The following CNTN5 variants were observed in gnomAD, a reference collection of about 807,000 sequenced individuals.
CNTN5 encodes the protein contactin 5, also known as contactin-5.
CNTN5 carries 77 observed loss-of-function variants against 129.1 expected under a neutral mutation model. That is an observed-to-expected ratio of 0.60 (90% CI 0.50 to 0.72). The LOEUF (loss-of-function observed/expected upper bound fraction) is 0.72, where lower values mean the gene tolerates loss of function less well. Ranked by LOEUF, CNTN5 falls within the 30% of genes least tolerant of loss-of-function variation. CNTN5 has a pLI of 0.00. For missense variants in CNTN5, 1,478 were observed against 1,328.8 expected (o/e 1.11, Z -1.75); for synonymous variants, 509 against 465.6 (o/e 1.09, Z -1.20).
intron 13 of CNTN5, among the ~76,000 whole-genome samples, chr11:100,189,262 G>C (rs1258612863): frequency 8.0e-6 from 1 of 125,758 alleles, no homozygotes; most frequent in South Asian, 2.5e-4. Flanking sequence ...TAAATAAGTT[G>C]AATTAAAAAA....
intron 3 of CNTN5, among the ~76,000 whole-genome samples, chr11:99,812,822 A>G (rs1446009240): frequency 1.3e-5 from 2 of 152,072 alleles, no homozygotes; most frequent in Non-Finnish European, 2.9e-5. Flanking sequence ...ATTCCCAGGA[A>G]CTGAGCGATG....
chr11:100,220,962 C>A (rs1179645882), intron 15 of CNTN5, among the ~76,000 whole-genome samples: 1 of 152,192 alleles, frequency 6.6e-6, no homozygotes, highest in Non-Finnish European at 1.5e-5. Context: ...CATTCATCAT[C>A]TCGCTTAATG....
At chr11:99,514,140 G>T (rs183994596) in intron 2 of CNTN5, among the ~76,000 whole-genome samples, 1 of 152,224 alleles carries the variant, frequency 6.6e-6, no homozygotes, top group Admixed American at 6.6e-5. Context: ...GGAAGTAACT[G>T]CAGATGTGAT....
intron 9 of CNTN5, among the ~76,000 whole-genome samples, chr11:100,052,155 G>A (rs1026159246): frequency 6.6e-6 from 1 of 151,782 alleles, no homozygotes; most frequent in Admixed American, 6.6e-5. Context: ...AGTAAATACA[G>A]AAAATGCATA....
chr11:99,679,390 A>G (rs1160475184), intron 3 of CNTN5, among the ~76,000 whole-genome samples: 2 of 152,000 alleles, frequency 1.3e-5, no homozygotes, highest in East Asian at 1.9e-4. Context: ...CCATTTTCAA[A>G]CAGCATGTGT....
intron 9 of CNTN5, among the ~76,000 whole-genome samples, chr11:100,054,535 C>G (rs1301357252): frequency 6.6e-6 from 1 of 151,744 alleles, no homozygotes; most frequent in Non-Finnish European, 1.5e-5. Context: ...TTTCAGATTA[C>G]CTTTCTAAGC....
chr11:99,468,852 A>T (rs1314960533), intron 2 of CNTN5, among the ~76,000 whole-genome samples: 1 of 151,796 alleles, frequency 6.6e-6, no homozygotes, highest in African/African-American at 2.4e-5. Context: ...CTCCTGTCTC[A>T]GGAAACTTTT....
chr11:99,782,444 C>A (rs1225275617), intron 3 of CNTN5, among the ~76,000 whole-genome samples: 1 of 150,486 alleles, frequency 6.6e-6, no homozygotes, highest in Non-Finnish European at 1.5e-5. Context: ...ATCAAGCTAC[C>A]AATGCCTTTC....
intron 3 of CNTN5, among the ~76,000 whole-genome samples, chr11:99,664,128 TG>T (rs1445170043): frequency 6.6e-6 from 1 of 152,206 alleles, no homozygotes; most frequent in African/African-American, 2.4e-5. Flanking sequence ...TCTTTCAGTT[TG>T]TACTCTATCA....
At chr11:99,650,314 T>C (rs868623028) in intron 3 of CNTN5, among the ~76,000 whole-genome samples, 3 of 151,890 alleles carry the variant, frequency 2.0e-5, no homozygotes, top group Non-Finnish European at 4.4e-5. Flanking sequence ...TCAGATATTA[T>C]TCAGAAAGTG....
intron 2 of CNTN5, among the ~76,000 whole-genome samples, chr11:99,384,308 T>G (rs946754098): frequency 6.6e-5 from 10 of 152,314 alleles, no homozygotes; most frequent in African/African-American, 2.4e-4. Flanking sequence ...ATCCTTCACT[T>G]TTAAACAATT....
intron 13 of CNTN5, among the ~76,000 whole-genome samples, chr11:100,147,906 G>GTGTT (rs1441581164): frequency 1.3e-5 from 2 of 152,084 alleles, no homozygotes; most frequent in Non-Finnish European, 2.9e-5. Context: ...TCTCTAGGGA[G>GTGTT]TGTTTCTAAA....
chr11:99,724,481 A>T (rs1943272108), intron 3 of CNTN5, among the ~76,000 whole-genome samples: 2 of 152,198 alleles, frequency 1.3e-5, no homozygotes, highest in African/African-American at 4.8e-5. Context: ...GGAGTGCTCA[A>T]TGCCAAACAT....
At chr11:100,018,370 C>T (rs150505539) in intron 9 of CNTN5, among the ~76,000 whole-genome samples, 6 of 152,044 alleles carry the variant, frequency 3.9e-5, no homozygotes, top group East Asian at 1.9e-4. Context: ...CTATAGACTA[C>T]GTTACCTTTT....
chr11:100,193,390 G>T, intron 14 of CNTN5, 98 bp from the exon 15 acceptor site: 1 of 755,224 alleles, frequency 1.3e-6, no homozygotes, highest in Non-Finnish European at 2.0e-6. Flanking sequence ...CAACTGTATT[G>T]TATAGATTTC....
At chr11:100,225,668 C>T (rs1241337395) in intron 16 of CNTN5, among the ~76,000 whole-genome samples, 1 of 152,066 alleles carries the variant, frequency 6.6e-6, no homozygotes, top group African/African-American at 2.4e-5. Flanking sequence ...CAGAACATTA[C>T]CAAGATCCCA....
In CNTN5 at chr11:100,004,798, G is replaced by A. The variant is rs187008766; in HGVS notation, c.980+2662G>A. The stretch of plus-strand genomic sequence containing the variant: ...GAAGTGGGCCAGGGATCAACCAATG[G>A]GAGCTGTAATGACTGTTGCTGTGAA... On this transcript the variant is annotated intron_variant, in intron 9 of 24. Transcript: ENST00000524871. 1.1e-4 allele frequency among the ~76,000 whole-genome samples: 16 copies of A among 152,282 alleles called. No individual in the cohort carries two copies. In the East Asian group the frequency reaches 2.5e-3, roughly 24 times the overall value.
At chr11:99,767,242 T>A (rs1944785797) in intron 3 of CNTN5, among the ~76,000 whole-genome samples, 1 of 152,018 alleles carries the variant, frequency 6.6e-6, no homozygotes, top group South Asian at 2.1e-4. Context: ...TAAAAAATAT[T>A]GATAAAAAAG....
rs1476255617 is a variant in CNTN5 at position 99,239,804 on chromosome 11, G to A, written c.-209-85542G>A. Among the ~76,000 whole-genome samples the A allele has an allele frequency of 2.3e-4, 35 of 152,202 alleles. 1 individual carries two copies. Among genetic ancestry groups the A allele is most frequent in the Admixed American group, 2.2e-3 (34 of 15,304 alleles). Reference sequence around the variant, plus strand: ...CAAAAAAATTTAGCCGGGCGTGGTGGCGGGCGCCTGTAGTCCCAGCTACTC... The same window carrying A: ...CAAAAAAATTTAGCCGGGCGTGGTGACGGGCGCCTGTAGTCCCAGCTACTC... On this transcript the variant is annotated intron_variant, in intron 1 of 24. Coordinates refer to ENST00000524871, the MANE Select transcript of CNTN5 (RefSeq NM_014361.4).
Sources: gnomAD v4.1 joint callset for allele counts (sites outside exome capture counted in the v4.1 genomes callset) on GRCh38, gnomAD v4.1.1 for gene constraint, MANE v1.5 for transcripts, NCBI Gene and HGNC (gene_info 2026-07-23, HGNC 2026-07-21) for gene names.